The following CDH4 variants were observed in gnomAD, a reference collection of about 807,000 sequenced individuals.
CDH4 encodes the protein cadherin-4.
In CDH4, 33 loss-of-function variants were observed where a neutral mutation model predicts 86.0. The observed-to-expected ratio is 0.38, with a 90% CI of 0.29 to 0.51. The LOEUF is 0.51. Ranked by LOEUF, CDH4 falls within the 20% of genes least tolerant of loss-of-function variation. The pLI is 0.86. For missense variants in CDH4, 1,114 were observed against 1,307.4 expected (o/e 0.85, Z 2.28); for synonymous variants, 555 against 549.4 (o/e 1.01, Z -0.14).
intron 2 of CDH4, among the ~76,000 whole-genome samples, chr20:61,601,990 G>A (rs752344194): frequency 8.5e-5 from 13 of 152,226 alleles, no homozygotes; most frequent in Non-Finnish European, 1.6e-4. Context: ...CCACAGTGCC[G>A]CCCAGAGCCA....
chr20:61,934,723 C>CA (rs1346297065), intron 15 of CDH4, among the ~76,000 whole-genome samples: 1 of 146,818 alleles, frequency 6.8e-6, no homozygotes, highest in African/African-American at 2.7e-5. Context: ...ACTTGCCCCC[C>CA]CTCCCCACCC....
intron 2 of CDH4, among the ~76,000 whole-genome samples, chr20:61,314,144 C>G (rs912991213): frequency 1.3e-5 from 2 of 152,176 alleles, no homozygotes; most frequent in Non-Finnish European, 2.9e-5. Context: ...ATTTATGGTC[C>G]GTTCCTTTTA....
At chr20:61,679,113 A>G (rs906904485) in intron 2 of CDH4, among the ~76,000 whole-genome samples, 1 of 152,266 alleles carries the variant, frequency 6.6e-6, no homozygotes, top group African/African-American at 2.4e-5. Flanking sequence ...CACGGTGACA[A>G]GGGTCAGAAA....
intron 2 of CDH4, among the ~76,000 whole-genome samples, chr20:61,693,258 C>T (rs1490717667): frequency 6.6e-6 from 1 of 151,358 alleles, no homozygotes; most frequent in African/African-American, 2.4e-5. Flanking sequence ...CAGGGGGCCA[C>T]GTCGGGCCTG....
intron 1 of CDH4, 133 bp from the exon 2 acceptor site, chr20:61,254,693 T>G (rs2084088421): frequency 1.5e-6 from 1 of 689,530 alleles, no homozygotes. Context: ...GTATCGCGTC[T>G]GGGTGGAGAC....
intron 4 of CDH4, among the ~76,000 whole-genome samples, chr20:61,809,256 C>T (rs1036731837): frequency 6.6e-6 from 1 of 151,974 alleles, no homozygotes; most frequent in Non-Finnish European, 1.5e-5. Flanking sequence ...GGATGGTCAG[C>T]GGCGGGATGA....
chr20:61,788,052 G>T (rs1306718731), intron 4 of CDH4, among the ~76,000 whole-genome samples: 1 of 152,180 alleles, frequency 6.6e-6, no homozygotes, highest in African/African-American at 2.4e-5. Flanking sequence ...TCTGACTGCC[G>T]TGAGGGACCA....
At chr20:61,407,980 A>T (rs2085093329) in intron 2 of CDH4, among the ~76,000 whole-genome samples, 1 of 152,106 alleles carries the variant, frequency 6.6e-6, no homozygotes, top group African/African-American at 2.4e-5. Flanking sequence ...AACAGAAGAG[A>T]ATTCTCTTAC....
At chr20:61,470,212 T>C (rs2085494798) in intron 2 of CDH4, among the ~76,000 whole-genome samples, 1 of 152,118 alleles carries the variant, frequency 6.6e-6, no homozygotes. Flanking sequence ...CTTTTCTTTT[T>C]TGTGGCCTCT....
intron 2 of CDH4, among the ~76,000 whole-genome samples, chr20:61,302,043 G>A (rs921273104): frequency 1.2e-4 from 18 of 152,240 alleles, no homozygotes; most frequent in Non-Finnish European, 2.6e-4. Flanking sequence ...AGTATTTAAA[G>A]GCTAATGCAA....
At chr20:61,924,210 C>G in intron 10 of CDH4, 124 bp from the exon 11 acceptor site, 3 of 969,196 alleles carry the variant, frequency 3.1e-6, no homozygotes, top group Non-Finnish European at 4.6e-6. Context: ...GCCTGGGGGG[C>G]TCCAAGGAGA....
chr20:61,676,617 A>G lies in CDH4; in HGVS notation c.170-66946A>G, dbSNP rs1048905433. On this transcript the variant is annotated intron_variant, in intron 2 of 15. Coordinates refer to ENST00000614565, the MANE Select transcript of CDH4 (RefSeq NM_001794.5). This position sits in a 1 kb window ranked among gnomAD's most constrained non-coding sequence, Gnocchi z 4.5. ...CTGTGCACCCAGCCAGGGTTCACTG[A>G]GTGTACCTGGCATTCTCTCAATTCT... Among the ~76,000 whole-genome samples the G allele has an allele frequency of 2.0e-5, 3 of 152,146 alleles. No homozygotes were observed. The highest frequency in any genetic ancestry group is 4.4e-5 in the Non-Finnish European group (3 of 68,032).
At chr20:61,647,257 A>T (rs911114975) in intron 2 of CDH4, among the ~76,000 whole-genome samples, 1 of 152,164 alleles carries the variant, frequency 6.6e-6, no homozygotes, top group African/African-American at 2.4e-5. Flanking sequence ...ATCCAGAGCC[A>T]CCAAAGTCCC....
At chr20:61,598,164 G>A (rs955346511) in intron 2 of CDH4, among the ~76,000 whole-genome samples, 3 of 152,084 alleles carry the variant, frequency 2.0e-5, no homozygotes, top group Admixed American at 6.6e-5. Context: ...GGGGCATGCT[G>A]GATGGGAAGA....
chr20:61,389,405 G>A (rs2084968956), intron 2 of CDH4, among the ~76,000 whole-genome samples: 1 of 152,220 alleles, frequency 6.6e-6, no homozygotes, highest in Non-Finnish European at 1.5e-5. Context: ...TCGCCCCCTT[G>A]TAAAAGTGAG....
chr20:61,696,188 C>T (rs1417386985), intron 2 of CDH4, among the ~76,000 whole-genome samples: 1 of 152,214 alleles, frequency 6.6e-6, no homozygotes, highest in Admixed American at 6.5e-5. Context: ...GTCTACCAAC[C>T]AGGTATGCTT....
intron 2 of CDH4, among the ~76,000 whole-genome samples, chr20:61,467,835 G>T (rs1323161731): frequency 1.3e-5 from 2 of 152,138 alleles, no homozygotes; most frequent in African/African-American, 4.8e-5. Context: ...ACCACCCTTG[G>T]ATTCGATAAT....
At chr20:61,819,729 CAT>C (rs2146062067) in intron 4 of CDH4, among the ~76,000 whole-genome samples, 1 of 152,310 alleles carries the variant, frequency 6.6e-6, no homozygotes, top group South Asian at 2.1e-4. Context: ...TGGTGATACA[CAT>C]ATAATTACAA....
chr20:61,427,518 A>G (rs1334329549), intron 2 of CDH4, among the ~76,000 whole-genome samples: 1 of 148,820 alleles, frequency 6.7e-6, no homozygotes, highest in African/African-American at 2.5e-5. Context: ...CTTTTTTTGG[A>G]CCACCTGGCA....
Sources: gnomAD v4.1 joint callset for allele counts (sites outside exome capture counted in the v4.1 genomes callset) on GRCh38, gnomAD v4.1.1 for gene constraint, Gnocchi (gnomAD v3.1) non-coding constraint, MANE v1.5 for transcripts, NCBI Gene and HGNC (gene_info 2026-07-23, HGNC 2026-07-21) for gene names.